The following SH3PXD2A variants were observed in gnomAD, a reference collection of about 807,000 sequenced individuals.
The protein encoded by SH3PXD2A is SH3 and PX domains 2A, also known as SH3 and PX domain-containing protein 2A.
In SH3PXD2A, 32 loss-of-function variants were observed where a neutral mutation model predicts 115.2. The observed-to-expected ratio is 0.28, with a 90% CI of 0.21 to 0.37. SH3PXD2A has a LOEUF of 0.37. Among genes scored for constraint, SH3PXD2A ranks in the 10% least tolerant of loss-of-function variants. SH3PXD2A has a pLI of 1.00. For synonymous variants in SH3PXD2A, 610 were observed against 629.1 expected, an observed-to-expected ratio of 0.97 and a Z score of 0.45; for missense variants, 1,328 against 1,498.7, an observed-to-expected ratio of 0.89 and a Z score of 1.88.
intron 11 of SH3PXD2A, 39 bp downstream of exon 11, chr10:103,617,158 G>C (rs756353524): frequency 1.9e-5 from 27 of 1,425,060 alleles, no homozygotes; most frequent in Non-Finnish European, 2.4e-5. Flanking sequence ...GGCCCAGGTG[G>C]GCGAGAGGCA....
At chr10:103,687,561 T>A (rs1181793097) in intron 6 of SH3PXD2A, among the ~76,000 whole-genome samples, 2 of 151,946 alleles carry the variant, frequency 1.3e-5, no homozygotes, top group Non-Finnish European at 2.9e-5. Flanking sequence ...CCTTGCCCCC[T>A]CCACTGCTGC....
rs998693437 is a variant in SH3PXD2A, at chr10:103,602,648, G to C, written c.2570C>G (p.Ser857Trp). 4 of 1,613,978 alleles carry C rather than the reference G, an allele frequency of 2.5e-6. No homozygotes were observed. The highest frequency in any genetic ancestry group is 3.4e-6 in the Non-Finnish European group (4 of 1,180,038). The change falls in exon 15 of 15, where the codon TCG becomes TGG. Residue 857 changes from serine to tryptophan, a missense_variant. Physicochemically the swap from Ser to Trp is radical, Grantham distance 177. Transcript: ENST00000369774. Reference protein sequence around the residue: ...TCSAYQKVQDSEISFPAGVEV... With the variant: ...TCSAYQKVQDWEISFPAGVEV... ...CACGCCCGCGGGGAAGCTGATCTCC[G>C]AGTCCTGGACCTTCTGGTAGGCGCT... is the stretch of plus-strand genomic sequence containing the variant.
At chr10:103,758,356 G>A (rs570711408) in intron 3 of SH3PXD2A, among the ~76,000 whole-genome samples, 1 of 152,210 alleles carries the variant, frequency 6.6e-6, no homozygotes, top group Non-Finnish European at 1.5e-5. Context: ...TGTCACCTCT[G>A]CAAAGAAGCC....
chr10:103,763,949 C>T (rs921671660), intron 3 of SH3PXD2A, among the ~76,000 whole-genome samples: 1 of 152,258 alleles, frequency 6.6e-6, no homozygotes, highest in Non-Finnish European at 1.5e-5. Context: ...CTCTGCCTCA[C>T]TTCCTCTTCT....
At chr10:103,853,561 A>G (rs1052347598) in intron 1 of SH3PXD2A, among the ~76,000 whole-genome samples, 1 of 152,138 alleles carries the variant, frequency 6.6e-6, no homozygotes, top group Non-Finnish European at 1.5e-5. Flanking sequence ...TAACTTCAGA[A>G]CCCCAGCACG....
Position 103,596,661 on chromosome 10 carries a change from A to G in SH3PXD2A, c.*5155T>C, listed in dbSNP as rs143873089. On this transcript the variant is annotated 3_prime_UTR_variant, in exon 15 of 15. Coordinates refer to ENST00000369774, the MANE Select transcript of SH3PXD2A (RefSeq NM_001394015.1). ...CACACACACACACACACACACACAC[A>G]CACTCTCTCTCTCTCTCTCTCTCTC... The G allele has an allele frequency of 5.4e-5, 2 of 36,978 alleles. No homozygotes were observed. The highest frequency in any genetic ancestry group is 1.5e-4 in the Non-Finnish European group (2 of 13,722). 2.3% of individuals were successfully genotyped at this position (36,978 alleles called of 1,614,324 possible).
chr10:103,712,894 G>A (rs1348834177), intron 5 of SH3PXD2A, among the ~76,000 whole-genome samples: 1 of 152,224 alleles, frequency 6.6e-6, no homozygotes, highest in African/African-American at 2.4e-5. Context: ...AATGGCATGA[G>A]TCCAGCCTCT....
chr10:103,821,273 G>A (rs2039377348), intron 1 of SH3PXD2A, among the ~76,000 whole-genome samples: 1 of 149,992 alleles, frequency 6.7e-6, no homozygotes, highest in Admixed American at 6.7e-5. Flanking sequence ...CTCCCAAGTA[G>A]CTAATTTTAC....
intron 5 of SH3PXD2A, among the ~76,000 whole-genome samples, chr10:103,710,370 A>G (rs1376524163): frequency 6.6e-6 from 1 of 152,192 alleles, no homozygotes; most frequent in African/African-American, 2.4e-5. Context: ...GTGAGACCCC[A>G]TCTCAAAAAA....
chr10:103,677,506 TGGGGGG>T (rs1195697257), intron 6 of SH3PXD2A, among the ~76,000 whole-genome samples: 1 of 152,076 alleles, frequency 6.6e-6, no homozygotes. Context: ...GGGGTGGGGA[TGGGGGG>T]TCAGGGGTAG....
At chr10:103,783,266 T>C (rs1054865420) in intron 2 of SH3PXD2A, among the ~76,000 whole-genome samples, 1 of 152,062 alleles carries the variant, frequency 6.6e-6, no homozygotes, top group Non-Finnish European at 1.5e-5. Context: ...TCTGCCAGGA[T>C]AGGGTTTATG....
Position 103,601,511 on chromosome 10 carries a change from G to A in SH3PXD2A, c.*305C>T, listed in dbSNP as rs538386463. 72 of 248,748 alleles carry A rather than the reference G, an allele frequency of 2.9e-4. No individual in the cohort carries two copies. The highest frequency in any genetic ancestry group is 5.0e-4 in the Non-Finnish European group (64 of 129,264). 15.4% of individuals were successfully genotyped at this position (248,748 alleles called of 1,614,324 possible). On this transcript the variant is annotated 3_prime_UTR_variant, in exon 15 of 15. Coordinates refer to ENST00000369774, the MANE Select transcript of SH3PXD2A (RefSeq NM_001394015.1). ...CCACATGGCCTGTCCCAGATGGCATGTAATCCATTGGTGAAGTCCCTATGG... is the reference window on the plus strand; with the variant it reads ...CCACATGGCCTGTCCCAGATGGCATATAATCCATTGGTGAAGTCCCTATGG...
chr10:103,777,198 C>T (rs1397076601), intron 2 of SH3PXD2A, among the ~76,000 whole-genome samples: 3 of 152,270 alleles, frequency 2.0e-5, no homozygotes, highest in Non-Finnish European at 2.9e-5. Context: ...CAGAGCCTGG[C>T]ACTGAGTAAG....
intron 8 of SH3PXD2A, among the ~76,000 whole-genome samples, chr10:103,641,257 G>A (rs898765185): frequency 2.6e-5 from 4 of 152,124 alleles, no homozygotes; most frequent in Non-Finnish European, 4.4e-5. Context: ...CAACCATGAC[G>A]CCAAAATCTT....
chr10:103,777,294 A>G (rs578226186), intron 2 of SH3PXD2A, among the ~76,000 whole-genome samples: 3 of 152,384 alleles, frequency 2.0e-5, no homozygotes, highest in African/African-American at 7.2e-5. Context: ...TGCCAGGGAA[A>G]GTGCTTAGGA....
intron 1 of SH3PXD2A, among the ~76,000 whole-genome samples, chr10:103,836,382 CACAAT>C (rs1401330614): frequency 6.6e-6 from 1 of 151,362 alleles, no homozygotes; most frequent in Non-Finnish European, 1.5e-5. Flanking sequence ...TCCATACACA[CACAAT>C]ACATCCCCAA....
rs35842382 is a variant in SH3PXD2A at position 103,771,721 on chromosome 10, C to T, written c.154-4552G>A. Among the ~76,000 whole-genome samples the T allele has an allele frequency of 7.2e-3, 1,032 of 143,656 alleles. 11 individuals carry two copies. The highest frequency in any genetic ancestry group is 0.025 in the African/African-American group (979 of 39,338). 94.2% of individuals were successfully genotyped at this position (143,656 alleles called of 152,430 possible). A position where few individuals can be genotyped will look rare whatever the true frequency, so the allele number is the denominator to read the frequency against. On this transcript the variant is annotated intron_variant, in intron 2 of 14. Coordinates refer to ENST00000369774, the MANE Select transcript of SH3PXD2A (RefSeq NM_001394015.1). ...CTGCACTCCAGCCTGGGCAACAGAG[C>T]GAGACTCCGTCAAAACAACACACAC...
chr10:103,713,162 A>G (rs2038065940), intron 5 of SH3PXD2A, among the ~76,000 whole-genome samples: 1 of 152,180 alleles, frequency 6.6e-6, no homozygotes, highest in African/African-American at 2.4e-5. Context: ...GACGTGCCCA[A>G]ACTCCAACCA....
At chr10:103,794,424 C>A (rs2039067184) in intron 2 of SH3PXD2A, among the ~76,000 whole-genome samples, 1 of 152,144 alleles carries the variant, frequency 6.6e-6, no homozygotes, top group Non-Finnish European at 1.5e-5. Context: ...GTTTGCAGAG[C>A]AATTACTGTA....
Sources: gnomAD v4.1 joint callset for allele counts (sites outside exome capture counted in the v4.1 genomes callset) on GRCh38, gnomAD v4.1.1 for gene constraint, MANE v1.5 for transcripts, NCBI Gene and HGNC (gene_info 2026-07-23, HGNC 2026-07-21) for gene names.